The following CHST11 variants were observed in gnomAD, a reference collection of about 807,000 sequenced individuals.
CHST11 encodes the protein carbohydrate sulfotransferase 11, also known as C4S-1.
CHST11 carries 9 observed loss-of-function variants against 30.4 expected under a neutral mutation model. The ratio of observed to expected loss-of-function variants is 0.30; its 90% CI spans 0.18 to 0.52. The LOEUF is 0.52. Ranked by LOEUF, CHST11 falls within the 20% of genes least tolerant of loss-of-function variation. CHST11 has a pLI of 0.97. For synonymous variants in CHST11, 152 were observed against 187.8 expected (o/e 0.81, Z 1.56); for missense variants, 348 against 460.6 (o/e 0.76, Z 2.24).
intron 1 of CHST11, among the ~76,000 whole-genome samples, chr12:104,533,333 C>T (rs1592749731): frequency 6.6e-6 from 1 of 152,158 alleles, no homozygotes; most frequent in South Asian, 2.1e-4. Context: ...ATCAGGTGTT[C>T]CCAGCGTCAT....
intron 1 of CHST11, among the ~76,000 whole-genome samples, chr12:104,470,851 C>G (rs529925421): frequency 1.3e-5 from 2 of 152,312 alleles, no homozygotes; most frequent in East Asian, 3.9e-4. Flanking sequence ...CACTAGTATG[C>G]CCATCTCCAT....
chr12:104,669,028 C>G (rs896250276), intron 2 of CHST11, among the ~76,000 whole-genome samples: 1 of 152,218 alleles, frequency 6.6e-6, no homozygotes, highest in Admixed American at 6.5e-5. Flanking sequence ...ATTTCTTTCT[C>G]CCCATTTCTG....
chr12:104,573,450 C>T (rs1338805234), intron 1 of CHST11, among the ~76,000 whole-genome samples: 22 of 146,290 alleles, frequency 1.5e-4, no homozygotes, highest in South Asian at 6.5e-4. Flanking sequence ...CGCTACCTGA[C>T]TTCAAACTAT....
chr12:104,707,790 GACA>G (rs1174544036), intron 2 of CHST11, among the ~76,000 whole-genome samples: 1 of 152,100 alleles, frequency 6.6e-6, no homozygotes, highest in African/African-American at 2.4e-5. Flanking sequence ...TATACCCACT[GACA>G]ACGAGGACAC....
chr12:104,729,440 C>T lies in CHST11; in HGVS notation c.205-27509C>T, dbSNP rs984240754. Among the ~76,000 whole-genome samples the T allele has an allele frequency of 2.9e-4, 44 of 152,280 alleles. No homozygotes were observed. The highest frequency in any genetic ancestry group is 9.9e-4 in the African/African-American group (41 of 41,552). On this transcript the variant is annotated intron_variant, in intron 2 of 2. Coordinates refer to ENST00000303694, the MANE Select transcript of CHST11 (RefSeq NM_018413.6). This position sits in a 1 kb window ranked among gnomAD's most constrained non-coding sequence, Gnocchi z 4.0. The stretch of plus-strand genomic sequence containing the variant: ...GCAGTGTTTCTCTGCAGACAGTTCA[C>T]CCAAATGATTTGTGAAGAATGCAGA...
intron 2 of CHST11, among the ~76,000 whole-genome samples, chr12:104,720,601 T>G (rs2040167512): frequency 6.6e-6 from 1 of 152,120 alleles, no homozygotes; most frequent in Non-Finnish European, 1.5e-5. Context: ...GCTGCAAATT[T>G]CAAACAGTGT....
chr12:104,649,628 C>T (rs1441467451), intron 2 of CHST11, among the ~76,000 whole-genome samples: 1 of 152,206 alleles, frequency 6.6e-6, no homozygotes, highest in Admixed American at 6.5e-5. Context: ...TCAATGCCTT[C>T]TTCCACAGTG....
At chr12:104,518,102 A>G (rs2038042612) in intron 1 of CHST11, among the ~76,000 whole-genome samples, 2 of 152,224 alleles carry the variant, frequency 1.3e-5, no homozygotes, top group South Asian at 4.1e-4. Flanking sequence ...CCTGGGCAAC[A>G]TAGTGAGACC....
At chr12:104,707,227 G>C (rs1348489811) in intron 2 of CHST11, among the ~76,000 whole-genome samples, 1 of 152,204 alleles carries the variant, frequency 6.6e-6, no homozygotes, top group Non-Finnish European at 1.5e-5. Flanking sequence ...AAAGTAGTTG[G>C]CACAAAGTAA....
At chr12:104,659,382 G>C (rs540936693) in intron 2 of CHST11, among the ~76,000 whole-genome samples, 1 of 152,138 alleles carries the variant, frequency 6.6e-6, no homozygotes, top group Admixed American at 6.5e-5. Context: ...TTACTTCTCC[G>C]TATCTCTAAG....
In CHST11 at chr12:104,696,365, G is replaced by A. The variant is rs1198269983; in HGVS notation, c.205-60584G>A. ...GAAATAAACCATCAGGGTCAGGCACGGTGGCTCACGCCTGTAATCGCAGCA... is the reference window on the plus strand; with the variant it reads ...GAAATAAACCATCAGGGTCAGGCACAGTGGCTCACGCCTGTAATCGCAGCA... On this transcript the variant is annotated intron_variant, in intron 2 of 2. Transcript: ENST00000303694. Among the ~76,000 whole-genome samples the A allele has an allele frequency of 4.0e-5, 6 of 151,758 alleles. No homozygotes were observed. The East Asian group carries it at 5.8e-4, about 15-fold the overall frequency.
intron 1 of CHST11, among the ~76,000 whole-genome samples, chr12:104,545,778 G>T (rs962186328): frequency 1.3e-5 from 2 of 152,144 alleles, no homozygotes; most frequent in Non-Finnish European, 2.9e-5. Flanking sequence ...AGCCTCACAT[G>T]GTTGAGGATG....
chr12:104,642,638 G>A (rs899001696), intron 2 of CHST11, among the ~76,000 whole-genome samples: 3 of 151,950 alleles, frequency 2.0e-5, no homozygotes, highest in African/African-American at 4.8e-5. Context: ...GGGCCCAAGC[G>A]ATCCTCCTGC....
intron 2 of CHST11, among the ~76,000 whole-genome samples, chr12:104,633,238 A>G (rs2039288886): frequency 6.6e-6 from 1 of 152,194 alleles, no homozygotes; most frequent in Admixed American, 6.5e-5. Flanking sequence ...TCCTTGACAA[A>G]TGCCTCATTT....
rs2037359921 is a variant in CHST11 at position 104,457,283 on chromosome 12, A to G, written c.-129A>G. On this transcript the variant is annotated 5_prime_UTR_variant, in exon 1 of 3. Transcript: ENST00000303694. ...CGAGAGCGGCCGCGAAGCGACTCCG[A>G]TCCTCCCTCTGAGCCTTGCTCAGCT... The G allele has an allele frequency of 3.2e-6, 2 of 623,234 alleles. No homozygotes were observed. Among genetic ancestry groups the G allele is most frequent in the East Asian group, 5.5e-5 (2 of 36,066 alleles). 38.6% of individuals were successfully genotyped at this position (623,234 alleles called of 1,614,324 possible). A position where few individuals can be genotyped will look rare whatever the true frequency, so the allele number is the denominator to read the frequency against.
At position 104,761,464 on chromosome 12, in the gene CHST11, T is replaced by TACACACACACACACACACACACACAC. The variant is rs140486952; in HGVS notation, c.*3673_*3698dup. The TACACACACACACACACACACACACAC allele has an allele frequency of 7.0e-5, 10 of 142,828 alleles. No homozygotes were observed. Among genetic ancestry groups the TACACACACACACACACACACACACAC allele is most frequent in the African/African-American group, 2.2e-4 (8 of 36,612 alleles). 8.8% of individuals were successfully genotyped at this position (142,828 alleles called of 1,614,324 possible). A position where few individuals can be genotyped will look rare whatever the true frequency, so the allele number is the denominator to read the frequency against. On this transcript the variant is annotated 3_prime_UTR_variant, in exon 3 of 3. Coordinates refer to ENST00000303694, the MANE Select transcript of CHST11 (RefSeq NM_018413.6). ...CTTGCTTTCCTAGCCAGTCCTCCCCTACACACACACACACACACACACACA... is the reference window on the plus strand; with the variant it reads ...CTTGCTTTCCTAGCCAGTCCTCCCCTACACACACACACACACACACACACACACACACACACACACACACACACACA...
chr12:104,563,143 T>C (rs916826101), intron 1 of CHST11, among the ~76,000 whole-genome samples: 3 of 152,134 alleles, frequency 2.0e-5, no homozygotes, highest in Non-Finnish European at 4.4e-5. Context: ...CGGGTTCAAG[T>C]GATTCTCGTG....
intron 1 of CHST11, among the ~76,000 whole-genome samples, chr12:104,491,772 C>T (rs1050094400): frequency 6.6e-6 from 1 of 152,160 alleles, no homozygotes; most frequent in African/African-American, 2.4e-5. Flanking sequence ...CTACTATACT[C>T]GGCCAGTACC....
chr12:104,679,488 T>C (rs1286268250), intron 2 of CHST11, among the ~76,000 whole-genome samples: 1 of 152,138 alleles, frequency 6.6e-6, no homozygotes, highest in African/African-American at 2.4e-5. Context: ...TCAGATCTTC[T>C]TCTTTGACCT....
Sources: allele counts gnomAD v4.1 joint callset (sites outside exome capture counted in the v4.1 genomes callset), GRCh38; gene constraint gnomAD v4.1.1; non-coding constraint Gnocchi (gnomAD v3.1); transcripts MANE v1.5; gene names NCBI Gene and HGNC (gene_info 2026-07-23, HGNC 2026-07-21).